PTCHD4: variants seen among roughly 807,000 people sequenced by gnomAD.
PTCHD4 encodes the protein patched domain containing 4, also known as patched domain-containing protein 4.
In PTCHD4, 33 loss-of-function variants were observed where a neutral mutation model predicts 58.1. That is an observed-to-expected ratio of 0.57 (90% CI 0.43 to 0.76). The LOEUF (loss-of-function observed/expected upper bound fraction) is 0.76, where lower values mean the gene tolerates loss of function less well. PTCHD4 is among the 30% of genes least tolerant of loss of function. PTCHD4 has a pLI of 0.00. For missense variants in PTCHD4, 1,058 were observed against 1,027.1 expected (o/e 1.03, Z -0.41); for synonymous variants, 478 against 409.6 (o/e 1.17, Z -2.02).
chr6:47,899,517 T>A, intron 4 of PTCHD4: 2 of 901,098 alleles, frequency 2.2e-6, no homozygotes. Context: ...ATGAGTCTAG[T>A]GAGCAAGTAT....
At chr6:48,059,981 G>T in intron 3 of PTCHD4, among the ~76,000 whole-genome samples, 1 of 152,098 alleles carries the variant, frequency 6.6e-6, no homozygotes, top group Non-Finnish European at 1.5e-5. Flanking sequence ...TATTCTCACA[G>T]CATCATGTAT....
intron 4 of PTCHD4, among the ~76,000 whole-genome samples, chr6:47,962,546 G>T (rs1767136495): frequency 6.6e-6 from 1 of 152,018 alleles, no homozygotes; most frequent in Non-Finnish European, 1.5e-5. Context: ...GTTCTCACGA[G>T]AACTGAGAAT....
intron 3 of PTCHD4, among the ~76,000 whole-genome samples, chr6:48,057,942 G>A (rs651189): frequency 0.13 from 20,436 of 152,186 alleles, 1,346 homozygotes; most frequent in Admixed American, 0.18. Flanking sequence ...GAAAGATTAG[G>A]TTGTCACTTG....
At chr6:48,035,507 T>C (rs961769600) in intron 3 of PTCHD4, among the ~76,000 whole-genome samples, 2 of 152,102 alleles carry the variant, frequency 1.3e-5, no homozygotes, top group African/African-American at 2.4e-5. Flanking sequence ...CCAATAGCTG[T>C]TTTAATAAAC....
rs78089846 is a variant in PTCHD4, at chr6:48,093,811, G to A, written c.-970+17238C>T. Among the ~76,000 whole-genome samples the A allele has an allele frequency of 3.3e-5, 5 of 152,232 alleles. No individual in the cohort carries two copies. The East Asian group carries it at 9.7e-4, about 29-fold the overall frequency. On this transcript the variant is annotated intron_variant, in intron 1 of 4. Transcript: ENST00000339488. Reference sequence around the variant, plus strand: ...TACTGGTCCATGAATAGGGATGATGGGAAGGTCACCATGGAAGCTTTTACA... The same window carrying A: ...TACTGGTCCATGAATAGGGATGATGAGAAGGTCACCATGGAAGCTTTTACA...
intron 1 of PTCHD4, among the ~76,000 whole-genome samples, chr6:48,107,087 T>C (rs1363365788): frequency 2.6e-5 from 4 of 151,706 alleles, no homozygotes. Flanking sequence ...CTGCACAGAA[T>C]TGGAAAAAAC....
chr6:48,101,310 A>G (rs1157756478), intron 1 of PTCHD4, among the ~76,000 whole-genome samples: 1 of 152,192 alleles, frequency 6.6e-6, no homozygotes, highest in African/African-American at 2.4e-5. Flanking sequence ...ATTATGACAC[A>G]AAGTCCCTTT....
chr6:48,045,043 T>C (rs1000084113), intron 3 of PTCHD4, among the ~76,000 whole-genome samples: 12 of 151,808 alleles, frequency 7.9e-5, no homozygotes, highest in African/African-American at 2.9e-4. Context: ...CCAGACCTTT[T>C]ATGACAGCCC....
At chr6:48,009,423 G>T (rs754067057) in intron 3 of PTCHD4, among the ~76,000 whole-genome samples, 18 of 152,122 alleles carry the variant, frequency 1.2e-4, no homozygotes, top group Non-Finnish European at 2.5e-4. Context: ...ATTTCCTTTT[G>T]TAACAATCCA....
intron 4 of PTCHD4, among the ~76,000 whole-genome samples, chr6:47,906,246 G>C (rs1202556087): frequency 6.6e-6 from 1 of 152,140 alleles, no homozygotes; most frequent in African/African-American, 2.4e-5. Context: ...AAAATAAAAA[G>C]CAAGCTGTGG....
At chr6:47,910,568 C>A (rs1380706869) in intron 4 of PTCHD4, among the ~76,000 whole-genome samples, 1 of 152,056 alleles carries the variant, frequency 6.6e-6, no homozygotes, top group Non-Finnish European at 1.5e-5. Context: ...TAGAAAAATA[C>A]ATTCTTTTAG....
intron 4 of PTCHD4, among the ~76,000 whole-genome samples, chr6:47,974,713 T>C (rs769932753): frequency 6.6e-6 from 1 of 152,216 alleles, no homozygotes; most frequent in South Asian, 2.1e-4. Context: ...TTGGAAGGCA[T>C]AGCATTGTTA....
chr6:48,075,757 T>A (rs754344170), intron 1 of PTCHD4, among the ~76,000 whole-genome samples: 3 of 152,192 alleles, frequency 2.0e-5, no homozygotes, highest in Non-Finnish European at 2.9e-5. Context: ...AATTAAGAAA[T>A]CCTTTATTGC....
chr6:47,867,036 C>A lies in PTCHD4; in HGVS notation c.*11267G>T, dbSNP rs1763585508. On this transcript the variant is annotated 3_prime_UTR_variant, in exon 5 of 5. Coordinates refer to ENST00000339488, the MANE Select transcript of PTCHD4 (RefSeq NM_001384253.1). ...AAGATGATATATTTTACCATAGGGACATAGTACTTGTTTACAATGTTTTCT... is the reference window on the plus strand; with the variant it reads ...AAGATGATATATTTTACCATAGGGAAATAGTACTTGTTTACAATGTTTTCT... Among the ~76,000 whole-genome samples, 1 of 151,762 alleles carries A rather than the reference C, an allele frequency of 6.6e-6. No homozygotes were observed. The highest frequency in any genetic ancestry group is 2.4e-5 in the African/African-American group (1 of 41,358).
intron 4 of PTCHD4, among the ~76,000 whole-genome samples, chr6:47,945,034 T>G (rs2113932883): frequency 6.6e-6 from 1 of 152,148 alleles, no homozygotes; most frequent in African/African-American, 2.4e-5. Context: ...AAAAATAAAG[T>G]GCCAAATCCA....
chr6:48,028,592 A>AT (rs931456369), intron 3 of PTCHD4, among the ~76,000 whole-genome samples: 30 of 152,094 alleles, frequency 2.0e-4, no homozygotes, highest in Middle Eastern at 3.4e-3. Context: ...GTATTTTTGG[A>AT]TTTTTTTGGT....
At position 47,899,656 on chromosome 6, in the gene PTCHD4, G is replaced by A. The variant is rs977563777; in HGVS notation, c.899-19720C>T. ...GTGATATAATGCCAAGCAATTCATT[G>A]ATTAAAAGTGTACAATTTAAAAGTT... On this transcript the variant is annotated intron_variant, in intron 4 of 4. Transcript: ENST00000339488. 7.7e-6 allele frequency: 5 copies of A among 653,572 alleles called. No individual in the cohort carries two copies. The African/African-American group carries it at 9.9e-5, about 13-fold the overall frequency. The allele number at this position is 653,572 out of a possible 1,614,324, so 40.5% of individuals were successfully genotyped here. A position where few individuals can be genotyped will look rare whatever the true frequency, so the allele number is the denominator to read the frequency against.
Position 47,867,942 on chromosome 6 carries a change from A to G in PTCHD4, c.*10361T>C, listed in dbSNP as rs1466945561. Among the ~76,000 whole-genome samples, 1 of 151,626 alleles carries G rather than the reference A, an allele frequency of 6.6e-6. No homozygotes were observed. Among genetic ancestry groups the G allele is most frequent in the Non-Finnish European group, 1.5e-5 (1 of 67,762 alleles). On this transcript the variant is annotated 3_prime_UTR_variant, in exon 5 of 5. Coordinates refer to ENST00000339488, the MANE Select transcript of PTCHD4 (RefSeq NM_001384253.1). ...CAAGCCATCTAGGGGTACTTCAGAA[A>G]CCCATCTACATCAAATCTTGATCCT...
At chr6:48,095,202 T>C (rs956332186) in intron 1 of PTCHD4, among the ~76,000 whole-genome samples, 1 of 152,248 alleles carries the variant, frequency 6.6e-6, no homozygotes, top group African/African-American at 2.4e-5. Flanking sequence ...ATTTCACATG[T>C]ATACAGTGTA....
Sources: gnomAD v4.1 joint callset for allele counts (sites outside exome capture counted in the v4.1 genomes callset) on GRCh38, gnomAD v4.1.1 for gene constraint, MANE v1.5 for transcripts, NCBI Gene and HGNC (gene_info 2026-07-23, HGNC 2026-07-21) for gene names.